Variants in STOX2 observed in about 807,000 individuals in gnomAD.
STOX2 encodes storkhead-box protein 2.
Under a neutral mutation model 60.9 loss-of-function variants are expected in STOX2, and 28 were observed. The observed-to-expected ratio is 0.46, with a 90% CI of 0.34 to 0.63. The LOEUF (loss-of-function observed/expected upper bound fraction) is 0.63, where lower values mean the gene tolerates loss of function less well. STOX2 is among the 30% of genes least tolerant of loss of function. The pLI is 0.01. For synonymous variants in STOX2, 472 were observed against 463.9 expected, an observed-to-expected ratio of 1.02 and a Z score of -0.22; for missense variants, 1,024 against 1,187.7, an observed-to-expected ratio of 0.86 and a Z score of 2.03.
intron 1 of STOX2, among the ~76,000 whole-genome samples, chr4:183,859,000 C>G (rs1013760455): frequency 1.3e-5 from 2 of 152,176 alleles, no homozygotes; most frequent in African/African-American, 4.8e-5. Flanking sequence ...CTTCCTATGG[C>G]CCTCTGCCAC....
intron 1 of STOX2, among the ~76,000 whole-genome samples, chr4:183,912,645 C>T (rs754039001): frequency 2.0e-5 from 3 of 152,216 alleles, no homozygotes; most frequent in Non-Finnish European, 2.9e-5. Context: ...TACAGCAACA[C>T]GGTCACATTG....
At chr4:183,898,357 A>G (rs905961332) in intron 1 of STOX2, among the ~76,000 whole-genome samples, 3 of 152,184 alleles carry the variant, frequency 2.0e-5, no homozygotes, top group African/African-American at 7.2e-5. Context: ...CCCATTTGCC[A>G]TGACTGGAAA....
chr4:183,901,602 T>TTTG (rs796210327), upstream of STOX2, among the ~76,000 whole-genome samples: 18 of 151,980 alleles, frequency 1.2e-4, no homozygotes, highest in African/African-American at 4.3e-4. Flanking sequence ...TGGGTATTTT[T>TTTG]TTTTTTTTTT....
chr4:183,811,458 C>A (rs1274135697), intron 1 of STOX2, among the ~76,000 whole-genome samples: 1 of 152,178 alleles, frequency 6.6e-6, no homozygotes, highest in East Asian at 1.9e-4. Context: ...TATGAAGCGC[C>A]ATGCTGTTCC....
At chr4:183,999,133 T>A (rs1040110838) in intron 1 of STOX2, among the ~76,000 whole-genome samples, 4 of 152,070 alleles carry the variant, frequency 2.6e-5, no homozygotes, top group African/African-American at 9.7e-5. Flanking sequence ...ATGACAAATC[T>A]TTTCTTTAAG....
At chr4:183,959,161 G>A (rs989779916) in intron 1 of STOX2, among the ~76,000 whole-genome samples, 2 of 151,918 alleles carry the variant, frequency 1.3e-5, no homozygotes, top group African/African-American at 4.8e-5. Flanking sequence ...CCACTTTGAT[G>A]TCTCCTATCT....
intron 1 of STOX2, among the ~76,000 whole-genome samples, chr4:183,858,349 T>G (rs1740351554): frequency 6.6e-6 from 1 of 152,192 alleles, no homozygotes; most frequent in Admixed American, 6.5e-5. Flanking sequence ...CCACTACAGC[T>G]CTAGTTTCCC....
Position 183,874,851 on chromosome 4 carries a change from A to G in STOX2, c.364+76796A>G, listed in dbSNP as rs367753400. Among the ~76,000 whole-genome samples, 34 of 139,818 alleles carry G rather than the reference A, an allele frequency of 2.4e-4. 2 individuals carry two copies. The highest frequency in any genetic ancestry group is 1.7e-3 in the East Asian group (7 of 4,232). 91.7% of individuals were successfully genotyped at this position (139,818 alleles called of 152,430 possible). ...TGAGGCAGGAGAATGGCGTGAACCC[A>G]GGAGGCGGAGCTTGCAGTGAGCCAA... is the stretch of plus-strand genomic sequence containing the variant. On this transcript the variant is annotated intron_variant, in intron 1 of 2. Transcript: ENST00000513034.
chr4:183,970,990 T>A (rs1743726240), intron 1 of STOX2, among the ~76,000 whole-genome samples: 1 of 152,218 alleles, frequency 6.6e-6, no homozygotes, highest in Admixed American at 6.5e-5. Flanking sequence ...AGTATAACCG[T>A]TGGGGTCATA....
intron 1 of STOX2, among the ~76,000 whole-genome samples, chr4:183,827,875 T>C (rs1225915004): frequency 3.8e-4 from 32 of 84,826 alleles, no homozygotes; most frequent in African/African-American, 1.5e-3. Flanking sequence ...AAATCCTGCC[T>C]CAAAAAAAAA....
At chr4:183,954,406 G>A (rs1037854372) in intron 1 of STOX2, among the ~76,000 whole-genome samples, 4 of 151,526 alleles carry the variant, frequency 2.6e-5, no homozygotes, top group African/African-American at 7.3e-5. Context: ...CTCTTGCCTC[G>A]GACTCCTGAG....
intron 1 of STOX2, among the ~76,000 whole-genome samples, chr4:183,990,048 G>T (rs1733031933): frequency 6.6e-6 from 1 of 152,212 alleles, no homozygotes; most frequent in African/African-American, 2.4e-5. Context: ...AGAAAAGAGA[G>T]CATGTTTCCT....
rs1321896415 is a variant in STOX2 at position 184,009,366 on chromosome 4, G to C, written c.528G>C (p.Gly176=). The C allele has an allele frequency of 1.9e-6, 3 of 1,613,864 alleles. No homozygotes were observed. In the African/African-American group the frequency reaches 4.0e-5, roughly 22 times the overall value. The change falls in exon 3 of 4, where the codon GGG becomes GGC. Residue 176 remains glycine, a synonymous_variant. Transcript: ENST00000308497. This position sits in a 1 kb window ranked among gnomAD's most constrained non-coding sequence, Gnocchi z 4.0. ...DRSQCTSPQP[G]TITPSASGCV... Reference sequence around the variant, plus strand: ...CTCAGTGCACCTCTCCGCAACCCGGGACCATCACGCCCTCTGCCTCAGGCT... The same window carrying C: ...CTCAGTGCACCTCTCCGCAACCCGGCACCATCACGCCCTCTGCCTCAGGCT...
intron 1 of STOX2, among the ~76,000 whole-genome samples, chr4:183,923,761 C>A (rs139926020): frequency 2.6e-5 from 4 of 152,228 alleles, no homozygotes; most frequent in Non-Finnish European, 2.9e-5. Context: ...TAGGGGTGAG[C>A]TGCAGAAAGT....
chr4:183,956,607 T>C (rs1217397806), intron 1 of STOX2, among the ~76,000 whole-genome samples: 1 of 152,302 alleles, frequency 6.6e-6, no homozygotes, highest in African/African-American at 2.4e-5. Context: ...CTCTTACACA[T>C]AATAAGACTA....
chr4:183,991,098 G>A (rs930262667), intron 1 of STOX2, among the ~76,000 whole-genome samples: 2 of 151,954 alleles, frequency 1.3e-5, no homozygotes, highest in African/African-American at 4.8e-5. Context: ...TTTTGAAATA[G>A]GTCAACATCC....
intron 1 of STOX2, among the ~76,000 whole-genome samples, chr4:183,961,067 A>G (rs1324951199): frequency 6.6e-6 from 1 of 152,172 alleles, no homozygotes; most frequent in African/African-American, 2.4e-5. Flanking sequence ...TCGGTTGGTT[A>G]GAGAATGTTT....
chr4:183,993,025 G>A (rs1733177145), intron 1 of STOX2, among the ~76,000 whole-genome samples: 1 of 152,160 alleles, frequency 6.6e-6, no homozygotes, highest in South Asian at 2.1e-4. Flanking sequence ...TAGCTAAATG[G>A]TCCAACAGAA....
At chr4:183,917,079 C>T (rs1050380084) in intron 1 of STOX2, among the ~76,000 whole-genome samples, 1 of 152,232 alleles carries the variant, frequency 6.6e-6, no homozygotes, top group Non-Finnish European at 1.5e-5. Context: ...TTTGTACTCC[C>T]AGTGTCTAGC....
Sources: gnomAD v4.1 joint callset for allele counts (sites outside exome capture counted in the v4.1 genomes callset) on GRCh38, gnomAD v4.1.1 for gene constraint, Gnocchi (gnomAD v3.1) non-coding constraint, MANE v1.5 for transcripts, NCBI Gene and HGNC (gene_info 2026-07-23, HGNC 2026-07-21) for gene names.